CDH18: variants seen among roughly 807,000 people sequenced by gnomAD.
CDH18 encodes the protein cadherin-18.
A neutral mutation model predicts 67.9 loss-of-function variants in CDH18; 31 were observed. The observed-to-expected ratio is 0.46, with a 90% confidence interval of 0.34 to 0.62. The LOEUF (loss-of-function observed/expected upper bound fraction) is 0.62, where lower values mean the gene tolerates loss of function less well. CDH18 is among the 20% of genes least tolerant of loss of function. CDH18 has a pLI of 0.01. For missense variants in CDH18, 890 were observed against 975.5 expected (o/e 0.91, Z 1.17); for synonymous variants, 362 against 347.2 (o/e 1.04, Z -0.48).
intron 2 of CDH18, among the ~76,000 whole-genome samples, chr5:20,146,626 A>T (rs904206540): frequency 4.6e-5 from 7 of 151,648 alleles, no homozygotes; most frequent in African/African-American, 1.2e-4. Context: ...GTAAAAAAAA[A>T]AAAAATAAAA....
chr5:19,746,981 CATCTGTGA>C lies in CDH18; in HGVS notation c.476_483del (p.Phe159TrpfsTer9), dbSNP rs1384671438. On this transcript the variant is annotated frameshift_variant, in exon 4 of 13. Transcript: ENST00000382275. LOFTEE classifies it high-confidence loss of function. ...TCAGGCACAGTAACAATGTATGGTC[CATCTGTGA>C]ATTTTGGAGCGTTGTCATTGATGTC... The C allele has an allele frequency of 6.2e-7, 1 of 1,613,818 alleles. No individual in the cohort carries two copies. The highest frequency in any genetic ancestry group is 1.3e-5 in the African/African-American group (1 of 74,858).
At chr5:20,118,723 G>A (rs758377358) in intron 2 of CDH18, among the ~76,000 whole-genome samples, 12 of 151,946 alleles carry the variant, frequency 7.9e-5, no homozygotes, top group Non-Finnish European at 1.0e-4. Context: ...GTCCCTTCTC[G>A]CTGTTCCCTT....
intron 2 of CDH18, among the ~76,000 whole-genome samples, chr5:20,020,219 T>C (rs2150431370): frequency 6.6e-6 from 1 of 152,254 alleles, no homozygotes; most frequent in Admixed American, 6.5e-5. Context: ...ACTTGGAACT[T>C]GAATTTAAAA....
intron 2 of CDH18, among the ~76,000 whole-genome samples, chr5:20,157,947 C>T (rs1751681614): frequency 6.6e-6 from 1 of 152,058 alleles, no homozygotes; most frequent in Non-Finnish European, 1.5e-5. Flanking sequence ...TTTTCATCCT[C>T]CTCTTCCCCT....
intron 11 of CDH18, among the ~76,000 whole-genome samples, chr5:19,498,318 G>T (rs1035531494): frequency 6.6e-6 from 1 of 152,118 alleles, no homozygotes. Context: ...GCCTCTGCTC[G>T]CAAGACATGA....
chr5:19,704,043 G>A (rs1190423859), intron 5 of CDH18, among the ~76,000 whole-genome samples: 1 of 152,168 alleles, frequency 6.6e-6, no homozygotes, highest in Non-Finnish European at 1.5e-5. Flanking sequence ...AGAGGGTATA[G>A]CACAGCTCCT....
chr5:19,688,305 C>T (rs530729357), intron 5 of CDH18, among the ~76,000 whole-genome samples: 13 of 152,274 alleles, frequency 8.5e-5, no homozygotes, highest in African/African-American at 3.1e-4. Flanking sequence ...GACAGTCATG[C>T]TTATCCTATC....
intron 2 of CDH18, among the ~76,000 whole-genome samples, chr5:20,248,390 T>C (rs920516087): frequency 6.6e-6 from 1 of 152,204 alleles, no homozygotes; most frequent in Non-Finnish European, 1.5e-5. Context: ...CCCCAGAGGA[T>C]AACAAGTCTT....
intron 1 of CDH18, among the ~76,000 whole-genome samples, chr5:20,489,131 T>C (rs1753418018): frequency 6.6e-6 from 1 of 152,064 alleles, no homozygotes. Flanking sequence ...TCTATGCTTC[T>C]ATATGTATCA....
At chr5:19,832,847 G>T (rs1303281861) in intron 3 of CDH18, among the ~76,000 whole-genome samples, 1 of 151,974 alleles carries the variant, frequency 6.6e-6, no homozygotes, top group East Asian at 1.9e-4. Flanking sequence ...CAGATGTGTG[G>T]TGTTATTTCT....
chr5:19,702,296 G>A (rs1259085404), intron 5 of CDH18, among the ~76,000 whole-genome samples: 6 of 151,298 alleles, frequency 4.0e-5, no homozygotes, highest in Non-Finnish European at 7.4e-5. Context: ...CTACAGGTGC[G>A]TGCCACCACA....
intron 2 of CDH18, among the ~76,000 whole-genome samples, chr5:20,056,592 A>C (rs1359037049): frequency 3.1e-5 from 4 of 129,460 alleles, no homozygotes; most frequent in African/African-American, 1.2e-4. Context: ...CTTTGTCCTC[A>C]TTTGATGGAA....
At chr5:20,520,455 C>A (rs1326959316) in intron 1 of CDH18, among the ~76,000 whole-genome samples, 1 of 151,822 alleles carries the variant, frequency 6.6e-6, no homozygotes. Flanking sequence ...TAAGTTTGTA[C>A]CACACACTTA....
At chr5:20,198,596 A>C (rs1215673736) in intron 2 of CDH18, among the ~76,000 whole-genome samples, 1 of 152,194 alleles carries the variant, frequency 6.6e-6, no homozygotes, top group African/African-American at 2.4e-5. Flanking sequence ...AGAAAAAAGA[A>C]ACCCATTTTT....
chr5:19,574,975 G>A (rs547398228), intron 7 of CDH18, among the ~76,000 whole-genome samples: 123 of 152,210 alleles, frequency 8.1e-4, no homozygotes, highest in African/African-American at 2.4e-3. Flanking sequence ...GGAGGTGGAG[G>A]TTGCAGTGAG....
chr5:19,964,024 G>A (rs962660712), intron 2 of CDH18, among the ~76,000 whole-genome samples: 1 of 152,000 alleles, frequency 6.6e-6, no homozygotes, highest in Non-Finnish European at 1.5e-5. Context: ...CCCTCAACAT[G>A]TGGGGATTAC....
chr5:20,499,945 C>G (rs1754152333), intron 1 of CDH18, among the ~76,000 whole-genome samples: 1 of 152,022 alleles, frequency 6.6e-6, no homozygotes, highest in Admixed American at 6.6e-5. Context: ...TCACCTTCAC[C>G]AAAAGTTATC....
intron 5 of CDH18, among the ~76,000 whole-genome samples, chr5:19,704,517 C>T (rs1184553792): frequency 6.6e-6 from 1 of 152,052 alleles, no homozygotes; most frequent in Non-Finnish European, 1.5e-5. Flanking sequence ...GGGTATGTCC[C>T]TGGTATGGGA....
At position 20,475,589 on chromosome 5, in the gene CDH18, T is replaced by G. The variant is rs962507993; in HGVS notation, c.-580+99873A>C. Among the ~76,000 whole-genome samples the G allele has an allele frequency of 4.6e-4, 70 of 152,212 alleles. 3 individuals are homozygous for G. The highest frequency in any genetic ancestry group is 4.0e-3 in the Admixed American group (61 of 15,276). ...TTGCAGGGTATGTATGTCTGTATATTTGTGGTAATCATAAGTTCTAAAAGT... is the reference window on the plus strand; with the variant it reads ...TTGCAGGGTATGTATGTCTGTATATGTGTGGTAATCATAAGTTCTAAAAGT... On this transcript the variant is annotated intron_variant, in intron 1 of 14. Coordinates refer to the CDH18 transcript ENST00000507958.
Sources: allele counts gnomAD v4.1 joint callset (sites outside exome capture counted in the v4.1 genomes callset), GRCh38; gene constraint gnomAD v4.1.1; transcripts MANE v1.5; gene names NCBI Gene and HGNC (gene_info 2026-07-23, HGNC 2026-07-21).